The following VWC2L variants were observed in gnomAD, a reference collection of about 807,000 sequenced individuals.
The protein encoded by VWC2L is von Willebrand factor C domain-containing protein 2-like.
Under a neutral mutation model 21.6 loss-of-function variants are expected in VWC2L, and 10 were observed. That is an observed-to-expected ratio of 0.46 (90% CI 0.29 to 0.78). VWC2L has a LOEUF of 0.78. Among genes scored for constraint, VWC2L ranks in the 30% least tolerant of loss-of-function variants. The probability of loss-of-function intolerance (pLI) is 0.10; values close to 1 mark genes in which losing one functional copy is unlikely to be tolerated. For synonymous variants in VWC2L, 96 were observed against 94.3 expected, an observed-to-expected ratio of 1.02 and a Z score of -0.10; for missense variants, 209 against 277.1, an observed-to-expected ratio of 0.75 and a Z score of 1.74.
chr2:214,456,367 T>C (rs1703056078), intron 3 of VWC2L, among the ~76,000 whole-genome samples: 1 of 152,040 alleles, frequency 6.6e-6, no homozygotes, highest in Non-Finnish European at 1.5e-5. Context: ...AGATCCTTAG[T>C]CTACTTTTTA....
At chr2:214,531,396 C>T (rs568996832) in intron 3 of VWC2L, among the ~76,000 whole-genome samples, 1 of 152,140 alleles carries the variant, frequency 6.6e-6, no homozygotes, top group Non-Finnish European at 1.5e-5. Context: ...TTCCTTAGTA[C>T]AGGAGTCCTT....
intron 3 of VWC2L, among the ~76,000 whole-genome samples, chr2:214,539,812 A>C (rs1185790889): frequency 6.6e-6 from 1 of 152,172 alleles, no homozygotes; most frequent in Admixed American, 6.6e-5. Context: ...TGGAAAATAC[A>C]TTGTATTAAA....
In VWC2L at chr2:214,411,488, T is replaced by A. The variant is rs1702268920; in HGVS notation, c.-379T>A. ...GCTAAAAATAAGTTCAACATGATTC[T>A]GCTACTGGGGTCTGGATTTCTACAG... On this transcript the variant is annotated 5_prime_UTR_variant, in exon 1 of 4. Coordinates refer to ENST00000312504, the MANE Select transcript of VWC2L (RefSeq NM_001080500.4). 1 of 152,248 alleles carries A rather than the reference T, an allele frequency of 6.6e-6. No individual in the cohort carries two copies. Among genetic ancestry groups the A allele is most frequent in the Non-Finnish European group, 1.5e-5 (1 of 68,048 alleles). The allele number at this position is 152,248 out of a possible 1,614,324, so 9.4% of individuals were successfully genotyped here.
intron 3 of VWC2L, among the ~76,000 whole-genome samples, chr2:214,505,879 A>G (rs1012338631): frequency 3.3e-5 from 5 of 152,158 alleles, no homozygotes; most frequent in Non-Finnish European, 7.4e-5. Context: ...AACTAGTCCA[A>G]TCGTTTTTGG....
chr2:214,556,056 A>T (rs7609472), intron 3 of VWC2L, among the ~76,000 whole-genome samples: 36,600 of 152,088 alleles, frequency 0.24, 4,623 homozygotes, highest in Middle Eastern at 0.32. Flanking sequence ...GTCTCGGCAG[A>T]TCACCAATGC....
intron 3 of VWC2L, among the ~76,000 whole-genome samples, chr2:214,562,526 C>T (rs1689992973): frequency 6.6e-6 from 1 of 152,094 alleles, no homozygotes; most frequent in Non-Finnish European, 1.5e-5. Context: ...GATTGCTGGG[C>T]CAAATGGTAT....
rs372218266 is a variant in VWC2L, at chr2:214,434,173, T to C, written c.391-2456T>C. On this transcript the variant is annotated intron_variant, in intron 2 of 3. Coordinates refer to ENST00000312504, the MANE Select transcript of VWC2L (RefSeq NM_001080500.4). Reference sequence around the variant, plus strand: ...CAAACCCTATTCAAAAAATCAAATATAGTCTTATCACTAAGTCTTGTGGTC... The same window carrying C: ...CAAACCCTATTCAAAAAATCAAATACAGTCTTATCACTAAGTCTTGTGGTC... 8.5e-5 allele frequency among the ~76,000 whole-genome samples: 13 copies of C among 152,322 alleles called. No homozygotes were observed. In the East Asian group the frequency reaches 2.1e-3, roughly 25 times the overall value.
chr2:214,422,334 G>A (rs1273598922), intron 2 of VWC2L, among the ~76,000 whole-genome samples: 2 of 151,916 alleles, frequency 1.3e-5, no homozygotes, highest in Non-Finnish European at 2.9e-5. Context: ...AAACTGGAAG[G>A]AGCAAGAGTG....
At chr2:214,546,259 C>G (rs1336554711) in intron 3 of VWC2L, among the ~76,000 whole-genome samples, 1 of 152,146 alleles carries the variant, frequency 6.6e-6, no homozygotes, top group Non-Finnish European at 1.5e-5. Flanking sequence ...ATTGCTGCAG[C>G]TTTTGGCACA....
chr2:214,530,893 CTT>C (rs1326209258), intron 3 of VWC2L, among the ~76,000 whole-genome samples: 3 of 152,140 alleles, frequency 2.0e-5, no homozygotes, highest in African/African-American at 7.2e-5. Flanking sequence ...GCAATATTAA[CTT>C]TGTGTGTTTT....
At chr2:214,524,480 G>A (rs11896911) in intron 3 of VWC2L, among the ~76,000 whole-genome samples, 4,995 of 152,096 alleles carry the variant, frequency 0.033, 267 homozygotes, top group African/African-American at 0.11. Context: ...AAAAATGAGG[G>A]GATTAAACTA....
chr2:214,424,992 C>T (rs1331196221), intron 2 of VWC2L, among the ~76,000 whole-genome samples: 2 of 152,160 alleles, frequency 1.3e-5, no homozygotes, highest in African/African-American at 2.4e-5. Context: ...CACTATGCTC[C>T]ATGAGCCAGA....
chr2:214,460,914 G>A (rs1216889562), intron 3 of VWC2L, among the ~76,000 whole-genome samples: 1 of 152,164 alleles, frequency 6.6e-6, no homozygotes, highest in Non-Finnish European at 1.5e-5. Flanking sequence ...TTTCGTAGAG[G>A]AAGCCCTTTG....
chr2:214,426,171 CAAAAAAAAAAAA>C (rs34411661), intron 2 of VWC2L, among the ~76,000 whole-genome samples: 8 of 69,956 alleles, frequency 1.1e-4, no homozygotes, highest in Non-Finnish European at 1.8e-4. Context: ...GGCTTCGTCT[CAAAAAAAAAAAA>C]AAAAAAAAAA....
At chr2:214,486,070 C>G (rs4591333) in intron 3 of VWC2L, among the ~76,000 whole-genome samples, 37,771 of 151,842 alleles carry the variant, frequency 0.25, 4,782 homozygotes, top group Admixed American at 0.28. Context: ...CTTAGACACT[C>G]TGTCTGTGTA....
At chr2:214,491,815 A>T (rs1052471674) in intron 3 of VWC2L, among the ~76,000 whole-genome samples, 1 of 151,816 alleles carries the variant, frequency 6.6e-6, no homozygotes, top group African/African-American at 2.4e-5. Context: ...TGTGTAAAAT[A>T]GAAAAAAAAA....
intron 3 of VWC2L, among the ~76,000 whole-genome samples, chr2:214,555,785 T>C (rs973956677): frequency 6.6e-6 from 1 of 152,220 alleles, no homozygotes; most frequent in Non-Finnish European, 1.5e-5. Flanking sequence ...TAATTGTACT[T>C]TATTTATTTG....
At chr2:214,451,154 G>A (rs1702947450) in intron 3 of VWC2L, among the ~76,000 whole-genome samples, 1 of 152,038 alleles carries the variant, frequency 6.6e-6, no homozygotes, top group Non-Finnish European at 1.5e-5. Context: ...TTTTCAATCA[G>A]AAAATTTGGG....
chr2:214,497,828 G>A (rs1448872303), intron 3 of VWC2L, among the ~76,000 whole-genome samples: 1 of 152,194 alleles, frequency 6.6e-6, no homozygotes. Flanking sequence ...GAGAACCGCT[G>A]CTCTCTGCTC....
Sources: gnomAD v4.1 joint callset for allele counts (sites outside exome capture counted in the v4.1 genomes callset) on GRCh38, gnomAD v4.1.1 for gene constraint, MANE v1.5 for transcripts, NCBI Gene and HGNC (gene_info 2026-07-23, HGNC 2026-07-21) for gene names.